Variants in MYO5A observed in about 807,000 individuals in gnomAD.
MYO5A encodes unconventional myosin-Va.
In MYO5A, 98 loss-of-function variants were observed where a neutral mutation model predicts 249.7. The ratio of observed to expected loss-of-function variants is 0.39; its 90% CI spans 0.33 to 0.46. MYO5A has a LOEUF of 0.46. Ranked by LOEUF, MYO5A falls within the 20% of genes least tolerant of loss-of-function variation. The pLI is 0.98. For synonymous variants in MYO5A, 778 were observed against 810.6 expected, an observed-to-expected ratio of 0.96 and a Z score of 0.68; for missense variants, 1,696 against 2,308.8, an observed-to-expected ratio of 0.73 and a Z score of 5.44.
intron 34 of MYO5A, among the ~76,000 whole-genome samples, chr15:52,331,325 T>C (rs1326678203): frequency 6.6e-6 from 1 of 152,126 alleles, no homozygotes; most frequent in African/African-American, 2.4e-5. Context: ...GCTAGAGAAT[T>C]ATGCTAAAGG....
In MYO5A at chr15:52,376,789, T is replaced by A. The variant is rs117865513; in HGVS notation, c.2209-231A>T. ...AGTTATTTTCCAGAATTATTCTACC[T>A]GGAATTATTATCTGAGGCCCAAAAC... On this transcript the variant is annotated intron_variant, in intron 18 of 41. Transcript: ENST00000399233. Among the ~76,000 whole-genome samples the A allele has an allele frequency of 5.2e-3, 792 of 152,310 alleles. 2 individuals are homozygous for A. Among genetic ancestry groups the A allele is most frequent in the Non-Finnish European group, 7.6e-3 (516 of 68,024 alleles).
intron 24 of MYO5A, 77 bp downstream of exon 24, chr15:52,364,477 T>G: frequency 7.2e-7 from 1 of 1,381,392 alleles, no homozygotes; most frequent in Non-Finnish European, 1.0e-6. Context: ...GATATGGAGG[T>G]TCATTCTACT....
At chr15:52,360,687 C>T (rs529076959) in intron 24 of MYO5A, among the ~76,000 whole-genome samples, 2 of 152,100 alleles carry the variant, frequency 1.3e-5, no homozygotes, top group Non-Finnish European at 2.9e-5. Flanking sequence ...TCGGTTATTA[C>T]CTCAGGGCAT....
At chr15:52,318,456 C>CAAAAAAA (rs35901511) in intron 39 of MYO5A, among the ~76,000 whole-genome samples, 3 of 87,404 alleles carry the variant, frequency 3.4e-5, no homozygotes, top group Admixed American at 1.6e-4. Context: ...AACTCCATCT[C>CAAAAAAA]AAAAAAAAAA....
intron 1 of MYO5A, among the ~76,000 whole-genome samples, chr15:52,522,825 G>A (rs2077650006): frequency 1.5e-5 from 2 of 133,474 alleles, no homozygotes; most frequent in African/African-American, 5.6e-5. Flanking sequence ...GCTTCCTCCA[G>A]TTCTCTTTCA....
chr15:52,343,501 T>G (rs1720547518), intron 30 of MYO5A, among the ~76,000 whole-genome samples: 1 of 152,222 alleles, frequency 6.6e-6, no homozygotes, highest in South Asian at 2.1e-4. Flanking sequence ...GATGTTTTAT[T>G]CAGCTAGCAA....
At chr15:52,445,815 T>C (rs1281777837) in intron 1 of MYO5A, among the ~76,000 whole-genome samples, 1 of 151,830 alleles carries the variant, frequency 6.6e-6, no homozygotes, top group African/African-American at 2.4e-5. Flanking sequence ...AACTTCAGAG[T>C]GATGATTTAA....
intron 19 of MYO5A, among the ~76,000 whole-genome samples, 178 bp from the exon 20 acceptor site, chr15:52,375,638 T>C (rs2041372199): frequency 6.6e-6 from 1 of 152,240 alleles, no homozygotes; most frequent in South Asian, 2.1e-4. Context: ...TAGCAATTTA[T>C]AGTTTCCCAA....
At chr15:52,455,955 C>G (rs1406648809) in intron 1 of MYO5A, among the ~76,000 whole-genome samples, 1 of 151,944 alleles carries the variant, frequency 6.6e-6, no homozygotes, top group Non-Finnish European at 1.5e-5. Context: ...TATTGGAAGT[C>G]CTCACCAGAG....
chr15:52,364,416 G>C, intron 24 of MYO5A, 138 bp downstream of exon 24: 1 of 721,864 alleles, frequency 1.4e-6, no homozygotes, highest in South Asian at 1.9e-5. Flanking sequence ...AGATGGAATG[G>C]GAGGTGAATA....
At chr15:52,384,664 A>G (rs2041902147) in intron 14 of MYO5A, among the ~76,000 whole-genome samples, 1 of 152,230 alleles carries the variant, frequency 6.6e-6, no homozygotes, top group Admixed American at 6.5e-5. Context: ...AAAAACAGTA[A>G]TTGAAAGTCT....
chr15:52,417,053 T>C (rs750339012), intron 4 of MYO5A, among the ~76,000 whole-genome samples: 1 of 152,246 alleles, frequency 6.6e-6, no homozygotes, highest in Non-Finnish European at 1.5e-5. Context: ...TGCTGGTTCA[T>C]ACATGCAACA....
chr15:52,422,919 A>G (rs1013430578), intron 4 of MYO5A, among the ~76,000 whole-genome samples: 5 of 152,016 alleles, frequency 3.3e-5, no homozygotes, highest in Admixed American at 2.0e-4. Context: ...GGGTCTCACT[A>G]TGTTGCCCAG....
At chr15:52,464,049 C>G (rs1486536026) in intron 1 of MYO5A, among the ~76,000 whole-genome samples, 3 of 152,268 alleles carry the variant, frequency 2.0e-5, no homozygotes, top group Non-Finnish European at 4.4e-5. Context: ...GAACAATTAC[C>G]CAACTTTCTT....
At chr15:52,364,832 T>C (rs928409132) in intron 23 of MYO5A, 130 bp from the exon 24 acceptor site, 3 of 1,025,872 alleles carry the variant, frequency 2.9e-6, no homozygotes, top group Admixed American at 4.9e-5. Flanking sequence ...CCATGAAGAG[T>C]GTCTTAGTAA....
At chr15:52,491,689 GTT>G (rs1185125810) in intron 1 of MYO5A, among the ~76,000 whole-genome samples, 6 of 152,128 alleles carry the variant, frequency 3.9e-5, no homozygotes, top group African/African-American at 1.4e-4. Flanking sequence ...GTACATCAAT[GTT>G]CTTGGCAAAC....
In MYO5A at chr15:52,422,312, C is replaced by T. The variant is rs143863166; in HGVS notation, c.455+3518G>A. Among the ~76,000 whole-genome samples, 981 of 152,214 alleles carry T rather than the reference C, an allele frequency of 6.4e-3. 17 individuals are homozygous for T. Among genetic ancestry groups the T allele is most frequent in the African/African-American group, 0.023 (944 of 41,530 alleles). ...GACATAGATCTGCTTGGAAAGAATT[C>T]CTAGTATGAGTTTTGCTTTTAGGAT... On this transcript the variant is annotated intron_variant, in intron 4 of 41. Transcript: ENST00000399233.
intron 9 of MYO5A, among the ~76,000 whole-genome samples, chr15:52,397,961 AAGG>A (rs1363323180): frequency 6.6e-6 from 1 of 152,174 alleles, no homozygotes; most frequent in Non-Finnish European, 1.5e-5. Context: ...TCTATTTTGG[AAGG>A]AGGAGACAGT....
intron 1 of MYO5A, among the ~76,000 whole-genome samples, chr15:52,450,857 T>TGTTTTTTGTTTTTTG (rs1567138465): frequency 6.8e-6 from 1 of 147,410 alleles, no homozygotes; most frequent in African/African-American, 2.5e-5. Context: ...TTTTTTTTTT[T>TGTTTTTTGTTTTTTG]TTTTTTTTGT....
Sources: gnomAD v4.1 joint callset for allele counts (sites outside exome capture counted in the v4.1 genomes callset) on GRCh38, gnomAD v4.1.1 for gene constraint, MANE v1.5 for transcripts, NCBI Gene and HGNC (gene_info 2026-07-23, HGNC 2026-07-21) for gene names.